Variants in GPHN observed in about 807,000 individuals in gnomAD.
GPHN encodes the protein gephyrin.
In GPHN, 17 loss-of-function variants were observed where a neutral mutation model predicts 95.5. That is an observed-to-expected ratio of 0.18 (90% CI 0.12 to 0.27). GPHN has a LOEUF of 0.27. GPHN is among the 10% of genes least tolerant of loss of function. The pLI is 1.00. For missense variants in GPHN, 660 were observed against 978.1 expected (o/e 0.67, Z 4.34); for synonymous variants, 320 against 322.5 (o/e 0.99, Z 0.08).
chr14:67,555,923 G>A, the GPHN span: 1 of 1,607,476 alleles, frequency 6.2e-7, no homozygotes, highest in East Asian at 2.2e-5. Flanking sequence ...AATATGCAGG[G>A]GAATGACCGT....
At chr14:66,575,308 T>C (rs1434668257) in intron 1 of GPHN, among the ~76,000 whole-genome samples, 1 of 152,228 alleles carries the variant, frequency 6.6e-6, no homozygotes, top group African/African-American at 2.4e-5. Flanking sequence ...ACTGATCATC[T>C]TATAATGTTT....
chr14:66,694,358 T>C (rs2067984993), intron 2 of GPHN, among the ~76,000 whole-genome samples: 1 of 152,190 alleles, frequency 6.6e-6, no homozygotes, highest in African/African-American at 2.4e-5. Context: ...TAAACTTCTT[T>C]TGTTTATCAG....
At chr14:67,701,031 A>AG in the GPHN span, among the ~76,000 whole-genome samples, 1 of 150,392 alleles carries the variant, frequency 6.6e-6, no homozygotes, top group African/African-American at 2.5e-5. Flanking sequence ...TCTCAAAAAA[A>AG]AAAAAAAAAA....
At chr14:67,014,402 C>G (rs188223403) in intron 9 of GPHN, among the ~76,000 whole-genome samples, 2 of 152,062 alleles carry the variant, frequency 1.3e-5, no homozygotes, top group Admixed American at 6.5e-5. Context: ...AGTTTTTTTC[C>G]AGAATACTAC....
chr14:67,047,342 G>T (rs1169208743), intron 10 of GPHN, among the ~76,000 whole-genome samples: 8 of 138,084 alleles, frequency 5.8e-5, no homozygotes, highest in Admixed American at 3.7e-4. Flanking sequence ...GTTTGTGTGT[G>T]TGTGTGTGTG....
the GPHN span, among the ~76,000 whole-genome samples, chr14:67,712,472 C>A: frequency 2.4e-5 from 1 of 42,292 alleles, no homozygotes. Context: ...AGAATTCAGT[C>A]AACTGAGAAG....
chr14:66,546,354 CTTCCCAG>C (rs1223153367), intron 1 of GPHN, among the ~76,000 whole-genome samples: 36 of 152,236 alleles, frequency 2.4e-4, no homozygotes, highest in African/African-American at 7.0e-4. Flanking sequence ...AGGCTCCTCA[CTTCCCAG>C]ACGGGGTGGC....
At chr14:67,214,205 A>T in the GPHN span, among the ~76,000 whole-genome samples, 1 of 152,100 alleles carries the variant, frequency 6.6e-6, no homozygotes. Context: ...TTTTGTTGCC[A>T]TTGCTTTTGG....
chr14:66,688,903 G>A (rs1393369261), intron 2 of GPHN, among the ~76,000 whole-genome samples: 6 of 150,480 alleles, frequency 4.0e-5, no homozygotes, highest in Middle Eastern at 3.4e-3. Context: ...ATCACACACC[G>A]GGGCCTGTCG....
At chr14:66,719,673 A>G (rs1042624646) in intron 2 of GPHN, among the ~76,000 whole-genome samples, 6 of 152,124 alleles carry the variant, frequency 3.9e-5, no homozygotes, top group East Asian at 1.9e-4. Context: ...ATGACAGCCA[A>G]TCTCCCTGCT....
At chr14:67,393,924 G>A in the GPHN span, among the ~76,000 whole-genome samples, 5 of 152,150 alleles carry the variant, frequency 3.3e-5, no homozygotes, top group Non-Finnish European at 7.3e-5. Context: ...GATATTTTCT[G>A]GAAGACAAGT....
At position 66,905,170 on chromosome 14, in the gene GPHN, C is replaced by T. The variant is rs375669803; in HGVS notation, c.390-10833C>T. Among the ~76,000 whole-genome samples, 108 of 152,180 alleles carry T rather than the reference C, an allele frequency of 7.1e-4. 3 individuals are homozygous for T. In the South Asian group the frequency reaches 0.022, roughly 32 times the overall value. ...TATTTTCAAATAGCCTATCTTTGAG[C>T]TCACTGACTCTTTCCTCTGCTTGAT... On this transcript the variant is annotated intron_variant, in intron 5 of 22. Transcript: ENST00000478722.
At chr14:66,664,527 G>A (rs976397118) in intron 1 of GPHN, among the ~76,000 whole-genome samples, 4 of 152,062 alleles carry the variant, frequency 2.6e-5, no homozygotes, top group Admixed American at 1.3e-4. Flanking sequence ...ACATCAGAAA[G>A]CTAGCAAGAT....
chr14:66,511,077 TACAG>T (rs1334013849), intron 1 of GPHN, among the ~76,000 whole-genome samples: 1 of 152,188 alleles, frequency 6.6e-6, no homozygotes, highest in Non-Finnish European at 1.5e-5. Context: ...AAGTTGTTGA[TACAG>T]ATATTGTCTA....
chr14:66,741,329 C>G (rs1489735246), intron 2 of GPHN, among the ~76,000 whole-genome samples: 1 of 151,978 alleles, frequency 6.6e-6, no homozygotes, highest in Non-Finnish European at 1.5e-5. Context: ...TATTGAATGT[C>G]TTTTGTGTGC....
At chr14:67,320,500 T>C in the GPHN span, 1 of 1,095,804 alleles carries the variant, frequency 9.1e-7, no homozygotes. Flanking sequence ...ATTAAAACAC[T>C]GTTGTCAGTG....
the GPHN span, among the ~76,000 whole-genome samples, chr14:67,422,942 C>G: frequency 1.3e-5 from 2 of 151,540 alleles, no homozygotes; most frequent in Non-Finnish European, 2.9e-5. Context: ...AGCGATTATC[C>G]TGCCTCAGCC....
chr14:66,642,573 T>TTTG (rs147838051), intron 1 of GPHN, among the ~76,000 whole-genome samples: 1 of 151,534 alleles, frequency 6.6e-6, no homozygotes, highest in African/African-American at 2.4e-5. Context: ...TTTTTTTTTT[T>TTTG]GAAACTGGGA....
intron 11 of GPHN, among the ~76,000 whole-genome samples, chr14:67,062,328 C>A (rs2075857222): frequency 1.3e-5 from 2 of 152,272 alleles, no homozygotes; most frequent in South Asian, 4.1e-4. Flanking sequence ...TTGGGGGAAC[C>A]AAAAGGCCTT....
Sources: gnomAD v4.1 joint callset for allele counts (sites outside exome capture counted in the v4.1 genomes callset) on GRCh38, gnomAD v4.1.1 for gene constraint, MANE v1.5 for transcripts, NCBI Gene and HGNC (gene_info 2026-07-23, HGNC 2026-07-21) for gene names.